The following WWOX variants were observed in gnomAD, a reference collection of about 807,000 sequenced individuals.
The protein encoded by WWOX is WW domain containing oxidoreductase.
A neutral mutation model predicts 46.2 loss-of-function variants in WWOX; 69 were observed. The observed-to-expected ratio is 1.49, with a 90% CI of 1.23 to 1.82. WWOX has a LOEUF of 1.82. Ranked by LOEUF, WWOX falls within the 40% of genes most tolerant of loss-of-function variation. The pLI is 0.00. For synonymous variants in WWOX, 359 were observed against 202.6 expected, an observed-to-expected ratio of 1.77 and a Z score of -6.56; for missense variants, 919 against 542.6, an observed-to-expected ratio of 1.69 and a Z score of -6.89.
intron 4 of WWOX, among the ~76,000 whole-genome samples, chr16:78,121,135 C>G (rs2033074022): frequency 1.3e-5 from 2 of 152,122 alleles, no homozygotes; most frequent in South Asian, 4.1e-4. Flanking sequence ...GATTGTTGAC[C>G]AGACTTAAAC....
chr16:78,903,965 A>T (rs2044893693), intron 8 of WWOX, among the ~76,000 whole-genome samples: 2 of 152,146 alleles, frequency 1.3e-5, no homozygotes, highest in Admixed American at 6.5e-5. Flanking sequence ...GAATGAATGG[A>T]GACTCCTTGT....
chr16:79,211,575 A>T (rs751871098), intron 8 of WWOX, 33 bp from the exon 9 acceptor site: 2 of 1,613,996 alleles, frequency 1.2e-6, no homozygotes, highest in Non-Finnish European at 1.7e-6. Context: ...CTTTTCTTAA[A>T]ATTTTTTTTT....
chr16:78,137,122 T>A (rs1269393170), intron 4 of WWOX, among the ~76,000 whole-genome samples: 1 of 152,118 alleles, frequency 6.6e-6, no homozygotes, highest in East Asian at 1.9e-4. Flanking sequence ...TTAACGCAAA[T>A]GGAGATCCCT....
rs554292138 is a variant in WWOX at position 78,511,281 on chromosome 16, G to A, written c.1056+78529G>A. Reference sequence around the variant, plus strand: ...TTAGTCACCATGTCTTTTCCCTTCCGTCAAGCCTTTTAGCGGAGTTCACAG... The same window carrying A: ...TTAGTCACCATGTCTTTTCCCTTCCATCAAGCCTTTTAGCGGAGTTCACAG... On this transcript the variant is annotated intron_variant, in intron 8 of 8. Coordinates refer to ENST00000566780, the MANE Select transcript of WWOX (RefSeq NM_016373.4). Among the ~76,000 whole-genome samples the A allele has an allele frequency of 2.2e-4, 34 of 152,258 alleles. 1 individual carries two copies. The highest frequency in any genetic ancestry group is 1.2e-3 in the South Asian group (6 of 4,820).
At chr16:78,379,108 T>C (rs2081896230) in intron 5 of WWOX, among the ~76,000 whole-genome samples, 1 of 152,202 alleles carries the variant, frequency 6.6e-6, no homozygotes, top group Admixed American at 6.5e-5. Flanking sequence ...TATAGATGCT[T>C]CAGAAGATAT....
chr16:79,211,191 TCAGA>T (rs1034636517), intron 8 of WWOX, among the ~76,000 whole-genome samples: 7 of 152,134 alleles, frequency 4.6e-5, no homozygotes, highest in African/African-American at 1.7e-4. Flanking sequence ...GGTTGGTTTG[TCAGA>T]CAGAAGGTTC....
chr16:78,454,441 C>A (rs1482679719), intron 8 of WWOX, among the ~76,000 whole-genome samples: 7 of 151,138 alleles, frequency 4.6e-5, no homozygotes, highest in Middle Eastern at 3.4e-3. Flanking sequence ...ATACTTTTAT[C>A]TGAGCAGTGT....
At chr16:78,639,076 G>A (rs1020525240) in intron 8 of WWOX, among the ~76,000 whole-genome samples, 2 of 152,134 alleles carry the variant, frequency 1.3e-5, no homozygotes, top group African/African-American at 4.8e-5. Context: ...TGCTAGAAAA[G>A]CTGGGCCTAA....
chr16:78,805,252 T>G (rs543476770), intron 8 of WWOX, among the ~76,000 whole-genome samples: 30 of 152,206 alleles, frequency 2.0e-4, no homozygotes, highest in African/African-American at 6.7e-4. Flanking sequence ...CAAAACAGCA[T>G]ATATATGTAT....
chr16:78,423,831 G>C (rs1055370245), intron 6 of WWOX, among the ~76,000 whole-genome samples: 1 of 135,046 alleles, frequency 7.4e-6, no homozygotes, highest in African/African-American at 2.8e-5. Context: ...GGATGACAGA[G>C]AAAGATCTTG....
At chr16:78,434,383 G>T in intron 8 of WWOX, among the ~76,000 whole-genome samples, 1 of 152,132 alleles carries the variant, frequency 6.6e-6, no homozygotes, top group East Asian at 1.9e-4. Flanking sequence ...CTGCATAAGC[G>T]CAGCCTCTTC....
At chr16:78,489,504 A>C (rs2151459325) in intron 8 of WWOX, among the ~76,000 whole-genome samples, 1 of 152,192 alleles carries the variant, frequency 6.6e-6, no homozygotes, top group South Asian at 2.1e-4. Context: ...TTTCCCAGTG[A>C]GACTTCAGTT....
intron 5 of WWOX, among the ~76,000 whole-genome samples, chr16:78,282,668 A>C (rs12928596): frequency 0.23 from 35,017 of 151,762 alleles, 4,265 homozygotes; most frequent in East Asian, 0.45. Flanking sequence ...CAAGGTCAGG[A>C]GATTGAGGCC....
intron 8 of WWOX, among the ~76,000 whole-genome samples, chr16:78,843,787 A>G (rs183203176): frequency 4.5e-4 from 69 of 152,320 alleles, no homozygotes; most frequent in African/African-American, 1.6e-3. Flanking sequence ...GCAATTTATT[A>G]TGTTTTTTAA....
At chr16:78,641,236 AT>A (rs145952067) in intron 8 of WWOX, among the ~76,000 whole-genome samples, 1 of 149,570 alleles carries the variant, frequency 6.7e-6, no homozygotes, top group Admixed American at 6.7e-5. Context: ...CCCCCAGGAG[AT>A]TTTTTTTTTC....
intron 5 of WWOX, among the ~76,000 whole-genome samples, chr16:78,386,580 G>A (rs1000643056): frequency 4.6e-5 from 7 of 152,158 alleles, no homozygotes; most frequent in Middle Eastern, 3.4e-3. Flanking sequence ...AGCCCGAAGC[G>A]CCTTTGCAGC....
intron 8 of WWOX, among the ~76,000 whole-genome samples, chr16:78,939,107 G>T (rs541074097): frequency 6.6e-6 from 1 of 152,184 alleles, no homozygotes; most frequent in Non-Finnish European, 1.5e-5. Flanking sequence ...CAGTGGCCCC[G>T]CTGGATTTTC....
intron 4 of WWOX, among the ~76,000 whole-genome samples, chr16:78,144,478 TATATATATACACAC>T (rs1477291452): frequency 5.1e-5 from 2 of 39,298 alleles, no homozygotes; most frequent in Non-Finnish European, 4.6e-5. Flanking sequence ...CATATATATA[TATATATATACACAC>T]ACACACACAT....
At chr16:79,171,955 T>G (rs1026471099) in intron 8 of WWOX, among the ~76,000 whole-genome samples, 4 of 152,182 alleles carry the variant, frequency 2.6e-5, no homozygotes, top group African/African-American at 9.7e-5. Context: ...ACGCATAAGC[T>G]TGGGTTTCAG....
Sources: gnomAD v4.1 joint callset for allele counts (sites outside exome capture counted in the v4.1 genomes callset) on GRCh38, gnomAD v4.1.1 for gene constraint, MANE v1.5 for transcripts, NCBI Gene and HGNC (gene_info 2026-07-23, HGNC 2026-07-21) for gene names.